Variants in CACNA1D observed in about 807,000 individuals in gnomAD.
CACNA1D encodes the protein calcium voltage-gated channel subunit alpha1 D.
CACNA1D carries 55 observed loss-of-function variants against 257.1 expected under a neutral mutation model. That is an observed-to-expected ratio of 0.21 (90% confidence interval 0.17 to 0.27). CACNA1D has a LOEUF of 0.27. Ranked by LOEUF, CACNA1D falls within the 10% of genes least tolerant of loss-of-function variation. The pLI is 1.00. For synonymous variants in CACNA1D, 980 were observed against 1,014.9 expected, an observed-to-expected ratio of 0.97 and a Z score of 0.65; for missense variants, 1,876 against 2,784.0, an observed-to-expected ratio of 0.67 and a Z score of 7.34.
chr3:53,764,734 C>T (rs1444137080), intron 30 of CACNA1D, among the ~76,000 whole-genome samples: 5 of 152,208 alleles, frequency 3.3e-5, no homozygotes, highest in Admixed American at 3.3e-4. Flanking sequence ...GCTGTGTTCA[C>T]CTTGCACCAG....
intron 3 of CACNA1D, among the ~76,000 whole-genome samples, chr3:53,541,478 C>T (rs2092295206): frequency 6.6e-6 from 1 of 152,052 alleles, no homozygotes; most frequent in African/African-American, 2.4e-5. Flanking sequence ...GGAGCAAATC[C>T]CCTGTCGTGT....
rs2095230054 is a variant in CACNA1D, at chr3:53,751,966, C to T, written c.3675+59C>T. On this transcript the variant is annotated intron_variant, in intron 28 of 47. Transcript: ENST00000350061. The surrounding 1 kb of genome is among the most constrained non-coding windows in gnomAD (Gnocchi z 4.3). ...GGGCATTCCGCACAGCCCCGTGCCCCAAATGCTGAGGGTGGAATGCTGCCC... is the reference window on the plus strand; with the variant it reads ...GGGCATTCCGCACAGCCCCGTGCCCTAAATGCTGAGGGTGGAATGCTGCCC... 3.2e-6 allele frequency: 5 copies of T among 1,539,696 alleles called. No individual in the cohort carries two copies. The highest frequency in any genetic ancestry group is 4.5e-6 in the Non-Finnish European group (5 of 1,112,640).
At chr3:53,706,565 TG>T (rs1284921697) in intron 9 of CACNA1D, among the ~76,000 whole-genome samples, 1 of 152,152 alleles carries the variant, frequency 6.6e-6, no homozygotes, top group Non-Finnish European at 1.5e-5. Flanking sequence ...TAGTCATAGT[TG>T]TAGTATGTGC....
At chr3:53,808,131 T>C (rs756867822) in intron 45 of CACNA1D, 58 of 171,202 alleles carry the variant, frequency 3.4e-4, no homozygotes, top group Admixed American at 1.8e-3. Flanking sequence ...TCACTCCTCC[T>C]CCTGAGAACA....
At chr3:53,607,057 A>G (rs11918955) in intron 3 of CACNA1D, among the ~76,000 whole-genome samples, 16,311 of 152,284 alleles carry the variant, frequency 0.11, 960 homozygotes, top group East Asian at 0.17. Flanking sequence ...GAGTCTAAAC[A>G]TTGGAAACAT....
rs2095385486 is a variant in CACNA1D, at chr3:53,774,508, A to G, written c.4111-79A>G. 1 of 852,690 alleles carries G rather than the reference A, an allele frequency of 1.2e-6. No homozygotes were observed. Among genetic ancestry groups the G allele is most frequent in the African/African-American group, 1.7e-5 (1 of 60,564 alleles). The allele number at this position is 852,690 out of a possible 1,614,324, so 52.8% of individuals were successfully genotyped here. A position where few individuals can be genotyped will look rare whatever the true frequency, so the allele number is the denominator to read the frequency against. ...CCCTAGCTGGTAAAGATCAAACCTG[A>G]GTTAGTTCTAAATTCACATACGGAT... is the stretch of plus-strand genomic sequence containing the variant. On this transcript the variant is annotated intron_variant, in intron 33 of 47. Coordinates refer to ENST00000350061, the MANE Select transcript of CACNA1D (RefSeq NM_001128840.3). The surrounding 1 kb of genome is among the most constrained non-coding windows in gnomAD (Gnocchi z 4.3).
At chr3:53,674,390 G>T (rs760683071) in intron 8 of CACNA1D, among the ~76,000 whole-genome samples, 1 of 152,212 alleles carries the variant, frequency 6.6e-6, no homozygotes, top group Non-Finnish European at 1.5e-5. Flanking sequence ...CTGTGATTCA[G>T]TTTTAACCGA....
chr3:53,776,065 C>G lies in CACNA1D; in HGVS notation c.4362+20C>G, dbSNP rs1278765847. ...TTTCTGGTAAGTGAGCAACACAGCT[C>G]CCCCTCTCAATTTACAGATGCTTAT... On this transcript the variant is annotated intron_variant, in intron 35 of 47. Coordinates refer to ENST00000350061, the MANE Select transcript of CACNA1D (RefSeq NM_001128840.3). 2 of 1,608,510 alleles carry G rather than the reference C, an allele frequency of 1.2e-6. No homozygotes were observed. Among genetic ancestry groups the G allele is most frequent in the African/African-American group, 1.3e-5 (1 of 74,838 alleles).
At chr3:53,642,203 C>A (rs2093961985) in intron 3 of CACNA1D, among the ~76,000 whole-genome samples, 1 of 152,198 alleles carries the variant, frequency 6.6e-6, no homozygotes, top group Non-Finnish European at 1.5e-5. Flanking sequence ...GGCACACTTT[C>A]TCTTCATTTT....
chr3:53,504,141 A>G (rs569414103), intron 3 of CACNA1D, among the ~76,000 whole-genome samples: 14 of 152,174 alleles, frequency 9.2e-5, no homozygotes, highest in Admixed American at 8.5e-4. Context: ...AGCTGAACGA[A>G]ACTTATTTTT....
chr3:53,513,128 A>G (rs2091188561), intron 3 of CACNA1D, among the ~76,000 whole-genome samples: 1 of 152,164 alleles, frequency 6.6e-6, no homozygotes, highest in Non-Finnish European at 1.5e-5. Flanking sequence ...CTGGAGGCAC[A>G]GTGGTTATTG....
rs2095601243 is a variant in CACNA1D, at chr3:53,811,602, A to G, written c.*196A>G. ...CAGGTCCCAAGCGGTTGAGCCTGGC[A>G]GAGTACCATGCGCTCGGCCCCAGCT... On this transcript the variant is annotated 3_prime_UTR_variant, in exon 48 of 48. Coordinates refer to ENST00000350061, the MANE Select transcript of CACNA1D (RefSeq NM_001128840.3). The surrounding 1 kb of genome is among the most constrained non-coding windows in gnomAD (Gnocchi z 4.2). 3.7e-6 allele frequency: 2 copies of G among 537,996 alleles called. No individual in the cohort carries two copies. The highest frequency in any genetic ancestry group is 6.5e-6 in the Non-Finnish European group (2 of 308,426). 33.3% of individuals were successfully genotyped at this position (537,996 alleles called of 1,614,324 possible).
intron 3 of CACNA1D, among the ~76,000 whole-genome samples, chr3:53,515,646 G>A (rs963581378): frequency 9.2e-5 from 14 of 152,134 alleles, no homozygotes; most frequent in African/African-American, 2.9e-4. Flanking sequence ...CAGGTCACTC[G>A]GGTAAGAGAC....
chr3:53,640,928 T>C (rs1198220937), intron 3 of CACNA1D, among the ~76,000 whole-genome samples: 1 of 152,086 alleles, frequency 6.6e-6, no homozygotes, highest in African/African-American at 2.4e-5. Context: ...CCTAAGTACA[T>C]TAGGCTTTCA....
Position 53,725,853 on chromosome 3 carries a change from G to C in CACNA1D, c.2101-1026G>C, listed in dbSNP as rs560366469. ...TGAAGATAAAGGAGCTCTGTCTGTC[G>C]TCGGAAGATAGCATTTTTTTCATTA... is the stretch of plus-strand genomic sequence containing the variant. On this transcript the variant is annotated intron_variant, in intron 14 of 47. Transcript: ENST00000350061. Among the ~76,000 whole-genome samples the C allele has an allele frequency of 5.3e-5, 8 of 152,270 alleles. No homozygotes were observed. The South Asian group carries it at 1.7e-3, about 32-fold the overall frequency.
intron 27 of CACNA1D, among the ~76,000 whole-genome samples, chr3:53,750,370 T>G (rs2095214551): frequency 6.6e-6 from 1 of 152,194 alleles, no homozygotes; most frequent in Non-Finnish European, 1.5e-5. Context: ...CGAGATTCTT[T>G]TCTGGGAGTT....
intron 8 of CACNA1D, among the ~76,000 whole-genome samples, chr3:53,693,227 C>T (rs1347837969): frequency 6.6e-6 from 1 of 152,136 alleles, no homozygotes; most frequent in Non-Finnish European, 1.5e-5. Context: ...GTCTTCCCCC[C>T]ACAGACATTA....
intron 3 of CACNA1D, among the ~76,000 whole-genome samples, chr3:53,599,766 T>A (rs1489312831): frequency 6.6e-6 from 1 of 152,174 alleles, no homozygotes; most frequent in Non-Finnish European, 1.5e-5. Context: ...ACTAGAAGAG[T>A]GTGAAAACTT....
At chr3:53,717,287 T>C (rs2094829887) in intron 9 of CACNA1D, among the ~76,000 whole-genome samples, 1 of 152,208 alleles carries the variant, frequency 6.6e-6, no homozygotes, top group African/African-American at 2.4e-5. Context: ...CTGAGGTAGC[T>C]CTCTTCACAG....
Sources: allele counts gnomAD v4.1 joint callset (sites outside exome capture counted in the v4.1 genomes callset), GRCh38; gene constraint gnomAD v4.1.1; non-coding constraint Gnocchi (gnomAD v3.1); transcripts MANE v1.5; gene names NCBI Gene and HGNC (gene_info 2026-07-23, HGNC 2026-07-21).